The following CDH4 variants were observed in gnomAD, a reference collection of about 807,000 sequenced individuals.
CDH4 encodes cadherin 4.
CDH4 carries 33 observed loss-of-function variants against 86.0 expected under a neutral mutation model. That is an observed-to-expected ratio of 0.38 (90% confidence interval 0.29 to 0.51). CDH4 has a LOEUF of 0.51. CDH4 is among the 20% of genes least tolerant of loss of function. The probability of loss-of-function intolerance (pLI) is 0.86; values close to 1 mark genes in which losing one functional copy is unlikely to be tolerated. For missense variants in CDH4, 1,114 were observed against 1,307.4 expected (o/e 0.85, Z 2.28); for synonymous variants, 555 against 549.4 (o/e 1.01, Z -0.14).
intron 2 of CDH4, chr20:61,499,515 G>T: frequency 7.8e-7 from 1 of 1,288,812 alleles, no homozygotes; most frequent in Non-Finnish European, 1.0e-6. Context: ...GTGCTAGGGG[G>T]GCTTAGGGTT....
chr20:61,431,849 A>T (rs1376456786), intron 2 of CDH4, among the ~76,000 whole-genome samples: 1 of 151,854 alleles, frequency 6.6e-6, no homozygotes, highest in Non-Finnish European at 1.5e-5. Flanking sequence ...CATCATTAAG[A>T]CCAGCTGGCA....
intron 2 of CDH4, among the ~76,000 whole-genome samples, chr20:61,349,399 C>T (rs997961496): frequency 6.6e-6 from 1 of 152,226 alleles, no homozygotes. Context: ...TCATCTTGAG[C>T]ACCAGCTAAT....
intron 14 of CDH4, 30 bp from the exon 15 acceptor site, chr20:61,934,026 C>T: frequency 6.2e-7 from 1 of 1,607,912 alleles, no homozygotes; most frequent in South Asian, 1.1e-5. Flanking sequence ...TCTTCTGATG[C>T]CCCTGACTCC....
rs189962975 is a variant in CDH4, at chr20:61,510,191, A to G, written c.170-233372A>G. Reference sequence around the variant, plus strand: ...ACCCGGAAATTTAGTGATTTGCAATATGCCAGCATCTATGCGCTCAGCACT... The same window carrying G: ...ACCCGGAAATTTAGTGATTTGCAATGTGCCAGCATCTATGCGCTCAGCACT... On this transcript the variant is annotated intron_variant, in intron 2 of 15. Transcript: ENST00000614565. The surrounding 1 kb of genome is among the most constrained non-coding windows in gnomAD (Gnocchi z 4.2). Among the ~76,000 whole-genome samples, 276 of 152,356 alleles carry G rather than the reference A, an allele frequency of 1.8e-3. 1 individual carries two copies. The highest frequency in any genetic ancestry group is 3.3e-3 in the Admixed American group (50 of 15,310).
At chr20:61,802,221 C>T (rs1035034331) in intron 4 of CDH4, among the ~76,000 whole-genome samples, 2 of 152,202 alleles carry the variant, frequency 1.3e-5, no homozygotes, top group African/African-American at 2.4e-5. Flanking sequence ...CCAGAAAGGG[C>T]GCTACACACC....
chr20:61,637,319 C>T (rs913001408), intron 2 of CDH4, among the ~76,000 whole-genome samples: 7 of 152,172 alleles, frequency 4.6e-5, no homozygotes, highest in Non-Finnish European at 8.8e-5. Flanking sequence ...GCCGCTCCCA[C>T]GACCAGAGAG....
At chr20:61,283,703 G>C (rs1407509625) in intron 2 of CDH4, among the ~76,000 whole-genome samples, 1 of 152,228 alleles carries the variant, frequency 6.6e-6, no homozygotes, top group Non-Finnish European at 1.5e-5. Context: ...ATGAAAATCT[G>C]TGTAAACCAG....
chr20:61,327,667 G>A (rs887736736), intron 2 of CDH4, among the ~76,000 whole-genome samples: 1 of 152,104 alleles, frequency 6.6e-6, no homozygotes, highest in East Asian at 1.9e-4. Context: ...CATTTTGGAT[G>A]GTCCTTTGAC....
chr20:61,521,428 G>A (rs113594876), intron 2 of CDH4, among the ~76,000 whole-genome samples: 6 of 152,312 alleles, frequency 3.9e-5, no homozygotes, highest in African/African-American at 1.4e-4. Flanking sequence ...CGTCAGCCCT[G>A]TCTCTCTTTT....
chr20:61,282,533 C>T (rs1304760039), intron 2 of CDH4, among the ~76,000 whole-genome samples: 1 of 35,614 alleles, frequency 2.8e-5, no homozygotes, highest in Non-Finnish European at 5.0e-5. Flanking sequence ...TAATCTTTGG[C>T]ATGGTGTGTG....
At position 61,565,146 on chromosome 20, in the gene CDH4, T is replaced by TGGGGTGGTGA. The variant is rs1555809036; in HGVS notation, c.170-178417_170-178416insGGGGTGGTGA. 4.3e-5 allele frequency among the ~76,000 whole-genome samples: 4 copies of TGGGGTGGTGA among 93,254 alleles called. 1 individual carries two copies. The highest frequency in any genetic ancestry group is 2.0e-4 in the African/African-American group (4 of 19,596). 61.2% of individuals were successfully genotyped at this position (93,254 alleles called of 152,430 possible). A position where few individuals can be genotyped will look rare whatever the true frequency, so the allele number is the denominator to read the frequency against. On this transcript the variant is annotated intron_variant, in intron 2 of 15. Coordinates refer to ENST00000614565, the MANE Select transcript of CDH4 (RefSeq NM_001794.5). Reference sequence around the variant, plus strand: ...CTTGGTGGTGCTGGTCCTCTTGGTGTTGGTAGTGGTCCTCTTGGTGATGGG... The same window carrying TGGGGTGGTGA: ...CTTGGTGGTGCTGGTCCTCTTGGTGTGGGGTGGTGATGGTAGTGGTCCTCTTGGTGATGGG...
intron 14 of CDH4, 109 bp from the exon 15 acceptor site, chr20:61,933,946 AC>A: frequency 7.9e-7 from 1 of 1,272,882 alleles, no homozygotes; most frequent in Non-Finnish European, 1.1e-6. Context: ...AGACCAGGCC[AC>A]AGGGCAGCAG....
chr20:61,472,498 A>G (rs2085510478), intron 2 of CDH4, among the ~76,000 whole-genome samples: 1 of 151,754 alleles, frequency 6.6e-6, no homozygotes, highest in Non-Finnish European at 1.5e-5. Context: ...TCCTCTGATG[A>G]TATGTTTCAA....
chr20:61,751,711 T>C (rs1299880348), intron 3 of CDH4, among the ~76,000 whole-genome samples: 1 of 152,240 alleles, frequency 6.6e-6, no homozygotes, highest in Non-Finnish European at 1.5e-5. Flanking sequence ...TACGATGTCC[T>C]CAATTTTGCC....
At chr20:61,936,237 G>A (rs1156399833) in intron 15 of CDH4, among the ~76,000 whole-genome samples, 1 of 148,938 alleles carries the variant, frequency 6.7e-6, no homozygotes, top group African/African-American at 2.5e-5. Context: ...CAGCCACATG[G>A]CCCAGCCCTC....
chr20:61,693,012 C>G, intron 2 of CDH4, among the ~76,000 whole-genome samples: 1 of 151,996 alleles, frequency 6.6e-6, no homozygotes. Context: ...CAGCCAGCCC[C>G]GGGATGGAGA....
At chr20:61,761,393 A>G (rs80313317) in intron 3 of CDH4, among the ~76,000 whole-genome samples, 3,688 of 152,354 alleles carry the variant, frequency 0.024, 63 homozygotes, top group Non-Finnish European at 0.037. Flanking sequence ...GTACGTTCAT[A>G]ATGCAGGCAT....
intron 2 of CDH4, among the ~76,000 whole-genome samples, chr20:61,722,113 G>A (rs147676557): frequency 1.5e-3 from 232 of 152,308 alleles, no homozygotes; most frequent in African/African-American, 5.4e-3. Context: ...AGACAAGCAC[G>A]CCCCAGGCCA....
At chr20:61,585,594 C>A (rs1265241404) in intron 2 of CDH4, among the ~76,000 whole-genome samples, 2 of 152,188 alleles carry the variant, frequency 1.3e-5, no homozygotes, top group African/African-American at 4.8e-5. Context: ...TACTCCCGAA[C>A]TTGGTGGAGC....
Sources: gnomAD v4.1 joint callset for allele counts (sites outside exome capture counted in the v4.1 genomes callset) on GRCh38, gnomAD v4.1.1 for gene constraint, Gnocchi (gnomAD v3.1) non-coding constraint, MANE v1.5 for transcripts, NCBI Gene and HGNC (gene_info 2026-07-23, HGNC 2026-07-21) for gene names.